TMC1: variants seen among roughly 807,000 people sequenced by gnomAD.
TMC1 encodes transmembrane channel like 1, also known as transmembrane channel-like protein 1.
A neutral mutation model predicts 105.8 loss-of-function variants in TMC1; 84 were observed. The ratio of observed to expected loss-of-function variants is 0.79; its 90% CI spans 0.67 to 0.95. The LOEUF (loss-of-function observed/expected upper bound fraction) is 0.95. Among genes scored for constraint, TMC1 ranks in the 40% least tolerant of loss-of-function variants. TMC1 has a pLI of 0.00. For missense variants in TMC1, 817 were observed against 914.1 expected, an observed-to-expected ratio of 0.89 and a Z score of 1.37; for synonymous variants, 315 against 311.5, an observed-to-expected ratio of 1.01 and a Z score of -0.12.
intron 1 of TMC1, among the ~76,000 whole-genome samples, chr9:72,573,374 A>C (rs7851577): frequency 6.6e-6 from 1 of 152,046 alleles, no homozygotes; most frequent in Non-Finnish European, 1.5e-5. Context: ...TAGGGGTGCT[A>C]GGATAAGAGG....
intron 2 of TMC1, among the ~76,000 whole-genome samples, chr9:72,584,784 CTTTT>C (rs71357591): frequency 4.4e-5 from 5 of 113,000 alleles, no homozygotes; most frequent in African/African-American, 7.0e-5. Flanking sequence ...CTTTTCTTTT[CTTTT>C]TTTTTTTTTT....
intron 10 of TMC1, among the ~76,000 whole-genome samples, chr9:72,745,628 G>A (rs1827477712): frequency 6.6e-6 from 1 of 152,060 alleles, no homozygotes. Context: ...GAAAAAATAT[G>A]AAACCTATGT....
intron 10 of TMC1, among the ~76,000 whole-genome samples, chr9:72,751,274 G>T (rs1827575721): frequency 6.6e-6 from 1 of 152,202 alleles, no homozygotes; most frequent in Non-Finnish European, 1.5e-5. Flanking sequence ...AAGATGTGTG[G>T]AGTGAATGAA....
intron 18 of TMC1, among the ~76,000 whole-genome samples, chr9:72,814,280 G>A (rs1411276653): frequency 6.6e-6 from 1 of 152,142 alleles, no homozygotes; most frequent in Non-Finnish European, 1.5e-5. Flanking sequence ...ATCACACAGG[G>A]CTCCAGGGGA....
In TMC1 at chr9:72,542,089, C is replaced by T. The variant is rs558613551; in HGVS notation, c.-428+20176C>T. Among the ~76,000 whole-genome samples, 8 of 152,096 alleles carry T rather than the reference C, an allele frequency of 5.3e-5. No individual in the cohort carries two copies. In the East Asian group the frequency reaches 1.2e-3, roughly 22 times the overall value. Reference sequence around the variant, plus strand: ...CTGTAATCCCAGTACTTTGGGAGGCCGAGGTGGGTGGATCACTTGAGGCCA... The same window carrying T: ...CTGTAATCCCAGTACTTTGGGAGGCTGAGGTGGGTGGATCACTTGAGGCCA... On this transcript the variant is annotated intron_variant, in intron 1 of 23. Transcript: ENST00000297784.
chr9:72,556,118 A>AT (rs776697230), intron 1 of TMC1, among the ~76,000 whole-genome samples: 3,922 of 141,140 alleles, frequency 0.028, 169 homozygotes, highest in African/African-American at 0.092. Context: ...TCACCCGTGA[A>AT]TTTTTTTTTT....
chr9:72,556,203 G>A (rs897147421), intron 1 of TMC1, among the ~76,000 whole-genome samples: 9 of 149,914 alleles, frequency 6.0e-5, no homozygotes, highest in Non-Finnish European at 1.0e-4. Flanking sequence ...TGCAACCTTC[G>A]CCTTCTGGGT....
intron 3 of TMC1, among the ~76,000 whole-genome samples, chr9:72,617,829 C>T (rs1376013832): frequency 2.0e-5 from 3 of 151,556 alleles, no homozygotes; most frequent in Admixed American, 2.0e-4. Flanking sequence ...TGGTAATCTC[C>T]AGGAAGCGCT....
intron 18 of TMC1, among the ~76,000 whole-genome samples, chr9:72,812,122 A>G (rs1364458873): frequency 6.6e-6 from 1 of 152,202 alleles, no homozygotes. Context: ...TAGAAATTTT[A>G]AAAATTCTGC....
intron 2 of TMC1, among the ~76,000 whole-genome samples, chr9:72,578,965 T>C (rs543339693): frequency 6.6e-6 from 1 of 152,156 alleles, no homozygotes; most frequent in African/African-American, 2.4e-5. Flanking sequence ...TGTGGTTGGA[T>C]TGGGGAGAGT....
chr9:72,718,300 CTG>C (rs1410682492), intron 8 of TMC1, among the ~76,000 whole-genome samples: 1 of 152,154 alleles, frequency 6.6e-6, no homozygotes, highest in African/African-American at 2.4e-5. Flanking sequence ...ATTACCAGAA[CTG>C]TGTTTCTGGC....
intron 2 of TMC1, among the ~76,000 whole-genome samples, chr9:72,609,184 CCTT>C (rs1486675949): frequency 3.4e-4 from 16 of 46,860 alleles, no homozygotes; most frequent in African/African-American, 7.9e-4. Flanking sequence ...TCCTTCCCTT[CCTT>C]CCTTCCTTCC....
chr9:72,596,244 C>T (rs1233486236), intron 2 of TMC1, among the ~76,000 whole-genome samples: 1 of 152,184 alleles, frequency 6.6e-6, no homozygotes. Context: ...CCATCTGTAT[C>T]ACCTTCTCTG....
intron 8 of TMC1, among the ~76,000 whole-genome samples, chr9:72,731,346 G>T (rs949147215): frequency 7.2e-5 from 11 of 152,184 alleles, no homozygotes; most frequent in Non-Finnish European, 1.3e-4. Context: ...CTACCTAGGG[G>T]GTGGAGGAGA....
chr9:72,594,374 C>T (rs944724943), intron 2 of TMC1, among the ~76,000 whole-genome samples: 1 of 152,186 alleles, frequency 6.6e-6, no homozygotes, highest in African/African-American at 2.4e-5. Context: ...TTTATTTGTA[C>T]AGCTCCATTG....
chr9:72,667,206 T>TG lies in TMC1; in HGVS notation c.16+18544dup, dbSNP rs776828297. Among the ~76,000 whole-genome samples, 27 of 152,352 alleles carry TG rather than the reference T, an allele frequency of 1.8e-4. No homozygotes were observed. The East Asian group carries it at 5.0e-3, about 28-fold the overall frequency. Reference sequence around the variant, plus strand: ...TGGTAGATTTGGGTTTCTCCATCTCTGGCTGCTTTTGCATCCTCAGTAAGG... The same window carrying TG: ...TGGTAGATTTGGGTTTCTCCATCTCTGGGCTGCTTTTGCATCCTCAGTAAGG... On this transcript the variant is annotated intron_variant, in intron 5 of 23. Transcript: ENST00000297784.
At chr9:72,707,460 T>G (rs1412915495) in intron 8 of TMC1, among the ~76,000 whole-genome samples, 1 of 152,218 alleles carries the variant, frequency 6.6e-6, no homozygotes, top group South Asian at 2.1e-4. Context: ...TTCTTGCAGG[T>G]GTAAGGTGGT....
chr9:72,677,137 C>T, intron 5 of TMC1, among the ~76,000 whole-genome samples: 1 of 150,538 alleles, frequency 6.6e-6, no homozygotes, highest in East Asian at 1.9e-4. Flanking sequence ...ATTACACACA[C>T]ACACACACAC....
At chr9:72,532,541 C>CAA (rs59010604) in intron 1 of TMC1, among the ~76,000 whole-genome samples, 1 of 75,526 alleles carries the variant, frequency 1.3e-5, no homozygotes, top group Admixed American at 1.7e-4. Flanking sequence ...GACTCCGTCT[C>CAA]AAAAAAAAAA....
Sources: allele counts gnomAD v4.1 joint callset (sites outside exome capture counted in the v4.1 genomes callset), GRCh38; gene constraint gnomAD v4.1.1; transcripts MANE v1.5; gene names NCBI Gene and HGNC (gene_info 2026-07-23, HGNC 2026-07-21).